LRBA: variants seen among roughly 807,000 people sequenced by gnomAD.
The protein encoded by LRBA is LPS responsive beige-like anchor protein, also known as lipopolysaccharide-responsive and beige-like anchor protein.
Under a neutral mutation model 330.0 loss-of-function variants are expected in LRBA, and 176 were observed. The observed-to-expected ratio is 0.53, with a 90% CI of 0.47 to 0.60. The LOEUF is 0.60. Among genes scored for constraint, LRBA ranks in the 20% least tolerant of loss-of-function variants. The pLI, the probability that LRBA is intolerant of heterozygous loss-of-function variation, is 0.00. For missense variants in LRBA, 3,259 were observed against 3,444.8 expected (o/e 0.95, Z 1.35); for synonymous variants, 1,230 against 1,193.0 (o/e 1.03, Z -0.64).
chr4:150,713,376 G>A (rs985880802), intron 36 of LRBA, among the ~76,000 whole-genome samples: 3 of 152,076 alleles, frequency 2.0e-5, no homozygotes, highest in Admixed American at 2.0e-4. Context: ...AAGGAAAGTT[G>A]GCATATTACA....
At chr4:150,835,903 G>A (rs1054796572) in intron 28 of LRBA, among the ~76,000 whole-genome samples, 2 of 152,076 alleles carry the variant, frequency 1.3e-5, no homozygotes, top group African/African-American at 4.8e-5. Flanking sequence ...AATGCTTCCA[G>A]TTTTGCCCAT....
chr4:150,686,835 T>A (rs955943314), intron 36 of LRBA, among the ~76,000 whole-genome samples: 13 of 152,142 alleles, frequency 8.5e-5, no homozygotes, highest in Admixed American at 1.3e-4. Context: ...AATATATTAA[T>A]TTAAAATCAA....
At chr4:150,361,864 G>A (rs1318735605) in intron 47 of LRBA, among the ~76,000 whole-genome samples, 5 of 149,912 alleles carry the variant, frequency 3.3e-5, no homozygotes, top group South Asian at 2.1e-4. Context: ...TCCGCCTCCC[G>A]GGTTCATGCC....
intron 44 of LRBA, among the ~76,000 whole-genome samples, chr4:150,446,445 T>A (rs572621131): frequency 5.9e-5 from 9 of 152,284 alleles, no homozygotes; most frequent in African/African-American, 2.2e-4. Context: ...AGAATAGCCA[T>A]GGGTCATACA....
Position 150,471,713 on chromosome 4 carries a change from T to A in LRBA, c.6578A>T (p.Gln2193Leu), listed in dbSNP as rs1392588527. The A allele has an allele frequency of 6.3e-7, 1 of 1,595,814 alleles. No individual in the cohort carries two copies. The highest frequency in any genetic ancestry group is 8.6e-7 in the Non-Finnish European group (1 of 1,167,702). The change falls in exon 43 of 57, where the codon CAG (glutamine) becomes CTG (leucine). Residue 2193 changes from glutamine to leucine, a missense_variant. By Grantham distance (113) the Gln-to-Leu change is moderately radical (BLOSUM62 -2). Coordinates refer to ENST00000651943, the MANE Select transcript of LRBA (RefSeq NM_001364905.1). ...GGTCATATTAGAAGCCTTAAAAAGC[T>A]GACGTGGACTAGCTAATGAAATACG... The part of the protein sequence containing the change: ...TRRISLASPR[Q>L]LFKASNMTQR...
chr4:150,701,583 G>A (rs190711788), intron 36 of LRBA, among the ~76,000 whole-genome samples: 187 of 152,234 alleles, frequency 1.2e-3, no homozygotes, highest in Admixed American at 2.5e-3. Flanking sequence ...CATGTGGTGC[G>A]TCATTTACCA....
Position 150,334,041 on chromosome 4 carries a change from G to T in LRBA, c.7363-8143C>A, listed in dbSNP as rs578046253. Among the ~76,000 whole-genome samples, 30 of 152,112 alleles carry T rather than the reference G, an allele frequency of 2.0e-4. 1 individual carries two copies. The East Asian group carries it at 5.0e-3, about 25-fold the overall frequency. On this transcript the variant is annotated intron_variant, in intron 48 of 56. Coordinates refer to ENST00000651943, the MANE Select transcript of LRBA (RefSeq NM_001364905.1). ...AAACCAGACTCCCACTTAACCTTAG[G>T]AAAGAAATACAAAGTTATTAATAGT...
chr4:150,391,926 CAT>C (rs1251836409), intron 47 of LRBA, among the ~76,000 whole-genome samples: 39 of 103,816 alleles, frequency 3.8e-4, no homozygotes, highest in African/African-American at 1.5e-3. Flanking sequence ...ATCTGAGTAA[CAT>C]AAAAATCCTA....
intron 34 of LRBA, among the ~76,000 whole-genome samples, chr4:150,775,525 A>T (rs1474457366): frequency 6.6e-6 from 1 of 151,630 alleles, no homozygotes; most frequent in Non-Finnish European, 1.5e-5. Flanking sequence ...ATAAGAGAGG[A>T]AAGAGGGAAA....
chr4:150,601,691 T>C (rs765449321), intron 37 of LRBA, among the ~76,000 whole-genome samples: 3 of 152,020 alleles, frequency 2.0e-5, no homozygotes, highest in Non-Finnish European at 4.4e-5. Context: ...ATATATTCTA[T>C]CAATTTTTTT....
chr4:150,717,701 A>AATAATAATAATAATAATCATC (rs890794296), intron 36 of LRBA, among the ~76,000 whole-genome samples: 28 of 148,056 alleles, frequency 1.9e-4, no homozygotes, highest in African/African-American at 5.4e-4. Context: ...TAATAATAAT[A>AATAATAATAATAATAATCATC]ATCAGTGCTT....
chr4:150,954,929 T>C (rs1249609553), intron 2 of LRBA, among the ~76,000 whole-genome samples: 1 of 143,090 alleles, frequency 7.0e-6, no homozygotes, highest in Non-Finnish European at 1.5e-5. Flanking sequence ...TCAACAAATA[T>C]ATGGAAATTA....
chr4:150,795,516 C>T (rs1446079277), intron 34 of LRBA, among the ~76,000 whole-genome samples: 1 of 151,948 alleles, frequency 6.6e-6, no homozygotes, highest in Admixed American at 6.6e-5. Flanking sequence ...ACATGGGATT[C>T]AACAGATGAA....
At chr4:150,784,587 A>G (rs1389418621) in intron 34 of LRBA, among the ~76,000 whole-genome samples, 2 of 152,186 alleles carry the variant, frequency 1.3e-5, no homozygotes, top group African/African-American at 2.4e-5. Flanking sequence ...CCTGAGCCCT[A>G]TGCAAATCAG....
rs1232738439 is a variant in LRBA at position 150,389,536 on chromosome 4, C to A, written c.7194+25902G>T. 4.0e-5 allele frequency among the ~76,000 whole-genome samples: 6 copies of A among 151,720 alleles called. No homozygotes were observed. In the East Asian group the frequency reaches 1.2e-3, roughly 29 times the overall value. On this transcript the variant is annotated intron_variant, in intron 47 of 56. Transcript: ENST00000651943. ...AGCCTGGCCAACACATGGCGAAACC[C>A]CATCTCTACTAAAAATACAAAAATT...
At chr4:150,731,414 A>G (rs1413350658) in intron 36 of LRBA, among the ~76,000 whole-genome samples, 1 of 152,218 alleles carries the variant, frequency 6.6e-6, no homozygotes, top group Non-Finnish European at 1.5e-5. Flanking sequence ...AGATGAATGG[A>G]TAAAGAAAAT....
At chr4:150,460,749 T>A (rs1309801896) in intron 44 of LRBA, among the ~76,000 whole-genome samples, 2 of 151,852 alleles carry the variant, frequency 1.3e-5, no homozygotes, top group Admixed American at 1.3e-4. Flanking sequence ...GTGGTTACAA[T>A]CTAAAGATGA....
intron 4 of LRBA, among the ~76,000 whole-genome samples, chr4:150,927,251 T>C (rs1437319266): frequency 6.6e-6 from 1 of 151,600 alleles, no homozygotes; most frequent in African/African-American, 2.4e-5. Context: ...CATACGCCTG[T>C]AGTCCCAGCT....
chr4:150,656,492 A>C (rs1780201462), intron 37 of LRBA, among the ~76,000 whole-genome samples: 1 of 152,172 alleles, frequency 6.6e-6, no homozygotes. Context: ...CCATACTAAC[A>C]CAGTTGGCGT....
Sources: allele counts gnomAD v4.1 joint callset (sites outside exome capture counted in the v4.1 genomes callset), GRCh38; gene constraint gnomAD v4.1.1; transcripts MANE v1.5; gene names NCBI Gene and HGNC (gene_info 2026-07-23, HGNC 2026-07-21).